The following UGT2B17 variants were observed in gnomAD, a reference collection of about 807,000 sequenced individuals.
The protein encoded by UGT2B17 is UDP-glucuronosyltransferase 2B17.
UGT2B17 carries 21 observed loss-of-function variants against 48.2 expected under a neutral mutation model. The ratio of observed to expected loss-of-function variants is 0.44; its 90% confidence interval spans 0.31 to 0.63. The LOEUF is 0.63. Among genes scored for constraint, UGT2B17 ranks in the 20% least tolerant of loss-of-function variants. The pLI, the probability that UGT2B17 is intolerant of heterozygous loss-of-function variation, is 0.08. For missense variants in UGT2B17, 402 were observed against 696.1 expected (o/e 0.58, Z 4.75); for synonymous variants, 146 against 238.4 (o/e 0.61, Z 3.57).
rs1203348815 is a variant in UGT2B17, at chr4:68,575,386, G to A, written c.-65+565C>T. 7.3e-5 allele frequency among the ~76,000 whole-genome samples: 9 copies of A among 123,624 alleles called. 3 individuals are homozygous for A. The highest frequency in any genetic ancestry group is 2.5e-4 in the African/African-American group (9 of 35,982). 81.1% of individuals were successfully genotyped at this position (123,624 alleles called of 152,430 possible). A position where few individuals can be genotyped will look rare whatever the true frequency, so the allele number is the denominator to read the frequency against. On this transcript the variant is annotated intron_variant, in intron 1 of 6. Coordinates refer to ENST00000317746, the MANE Select transcript of UGT2B17 (RefSeq NM_001077.4). ...CTTAGAAACTAAAAAGACCTATCTAGGCTTCCTTCTGATGGCTAACCTACC... is the reference window on the plus strand; with the variant it reads ...CTTAGAAACTAAAAAGACCTATCTAAGCTTCCTTCTGATGGCTAACCTACC...
intron 4 of UGT2B17, among the ~76,000 whole-genome samples, chr4:68,554,323 C>T (rs1435141383): frequency 7.9e-6 from 1 of 126,294 alleles, no homozygotes; most frequent in Non-Finnish European, 1.7e-5. Context: ...ATTTATGACA[C>T]CTCTACTTGG....
Position 68,537,603 on chromosome 4 carries a change from C to A in UGT2B17, c.*22G>T. On this transcript the variant is annotated 3_prime_UTR_variant, in exon 7 of 7. Coordinates refer to ENST00000317746, the MANE Select transcript of UGT2B17 (RefSeq NM_001077.4). ...GGAGGAGTCCCATCTTTTGGTCATTCCACTTCAGGCTTTTGATATAACTAA... is the reference window on the plus strand; with the variant it reads ...GGAGGAGTCCCATCTTTTGGTCATTACACTTCAGGCTTTTGATATAACTAA... The A allele has an allele frequency of 7.5e-7, 1 of 1,324,634 alleles. No homozygotes were observed. The highest frequency in any genetic ancestry group is 2.0e-5 in the South Asian group (1 of 49,716). The allele number at this position is 1,324,634 out of a possible 1,614,324, so 82.1% of individuals were successfully genotyped here. A position where few individuals can be genotyped will look rare whatever the true frequency, so the allele number is the denominator to read the frequency against.
Position 68,558,204 on chromosome 4 carries a change from G to T in UGT2B17, c.1005+2333C>A, listed in dbSNP as rs1731037540. On this transcript the variant is annotated intron_variant, in intron 4 of 6. Transcript: ENST00000317746. ...TAGTAAAATTGGGAAACTGAAGACA[G>T]AAAAATTATGTTTCAAAAATAACAG... Among the ~76,000 whole-genome samples, 2 of 123,634 alleles carry T rather than the reference G, an allele frequency of 1.6e-5. 1 individual carries two copies. The highest frequency in any genetic ancestry group is 3.4e-5 in the Non-Finnish European group (2 of 58,420). The allele number at this position is 123,634 out of a possible 152,430, so 81.1% of individuals were successfully genotyped here.
chr4:68,570,686 A>T (rs1731284735), intron 1 of UGT2B17, among the ~76,000 whole-genome samples: 1 of 126,264 alleles, frequency 7.9e-6, no homozygotes, highest in South Asian at 3.5e-4. Flanking sequence ...TGTTGAACTA[A>T]GGTAGCGATG....
chr4:68,558,379 A>G lies in UGT2B17; in HGVS notation c.1005+2158T>C, dbSNP rs200327647. On this transcript the variant is annotated intron_variant, in intron 4 of 6. Transcript: ENST00000317746. ...TCCTCCCCTTCCACAATTTTTCCTA[A>G]TTTGGAGTCACTGTAAACTAAGCTA... Among the ~76,000 whole-genome samples the G allele has an allele frequency of 7.0e-3, 821 of 117,374 alleles. 7 individuals carry two copies. Among genetic ancestry groups the G allele is most frequent in the African/African-American group, 0.018 (631 of 34,470 alleles). The allele number at this position is 117,374 out of a possible 152,430, so 77.0% of individuals were successfully genotyped here. A position where few individuals can be genotyped will look rare whatever the true frequency, so the allele number is the denominator to read the frequency against.
At position 68,545,130 on chromosome 4, in the gene UGT2B17, A is replaced by G. The variant is rs1295830551; in HGVS notation, c.1313+5547T>C. 5.5e-5 allele frequency among the ~76,000 whole-genome samples: 7 copies of G among 126,314 alleles called. 3 individuals are homozygous for G. The Admixed American group carries it at 5.7e-4, about 10-fold the overall frequency. 82.9% of individuals were successfully genotyped at this position (126,314 alleles called of 152,430 possible). On this transcript the variant is annotated intron_variant, in intron 6 of 6. Transcript: ENST00000317746. ...AATCAACAGAATGTACATTCTTTTC[A>G]GCACCACACCACACCAACTCCAAAA...
Position 68,563,123 on chromosome 4 carries a change from T to A in UGT2B17, c.873+2449A>T, listed in dbSNP as rs1248559306. 1.6e-5 allele frequency among the ~76,000 whole-genome samples: 2 copies of A among 127,364 alleles called. 1 individual carries two copies. The highest frequency in any genetic ancestry group is 3.3e-5 in the Non-Finnish European group (2 of 59,968). The allele number at this position is 127,364 out of a possible 152,430, so 83.6% of individuals were successfully genotyped here. The stretch of plus-strand genomic sequence containing the variant: ...ATATATTACAAAGGCAATAACTATA[T>A]GCAGTTTTCAAACACTTGATACTTT... On this transcript the variant is annotated intron_variant, in intron 3 of 6. Transcript: ENST00000317746.
chr4:68,574,853 C>G (rs1179302176), intron 1 of UGT2B17, among the ~76,000 whole-genome samples: 1 of 124,764 alleles, frequency 8.0e-6, no homozygotes, highest in African/African-American at 2.7e-5. Context: ...TGACTTATTA[C>G]AAACATTTTT....
chr4:68,565,535 A>G (rs1441108943), intron 3 of UGT2B17, 37 bp downstream of exon 3: 2 of 1,334,852 alleles, frequency 1.5e-6, no homozygotes, highest in African/African-American at 3.0e-5. Context: ...TCCTTCTGAA[A>G]ATGTCAAGCA....
At chr4:68,548,439 TG>T (rs1730859574) in intron 6 of UGT2B17, among the ~76,000 whole-genome samples, 1 of 121,806 alleles carries the variant, frequency 8.2e-6, no homozygotes, top group Non-Finnish European at 1.7e-5. Flanking sequence ...GTAGCGGGAG[TG>T]GGGAGGGATA....
intron 3 of UGT2B17, 151 bp downstream of exon 3, chr4:68,565,421 A>G: frequency 1.5e-6 from 1 of 672,444 alleles, no homozygotes; most frequent in Non-Finnish European, 2.1e-6. Context: ...CATACTTGTG[A>G]TAGTATAGAA....
intron 1 of UGT2B17, among the ~76,000 whole-genome samples, chr4:68,575,111 G>T (rs1361842323): frequency 8.2e-6 from 1 of 121,238 alleles, no homozygotes; most frequent in Non-Finnish European, 1.7e-5. Flanking sequence ...AACCTTGTAA[G>T]TTTGAAATTT....
At chr4:68,553,857 A>G (rs1218822003) in intron 4 of UGT2B17, among the ~76,000 whole-genome samples, 2 of 118,416 alleles carry the variant, frequency 1.7e-5, no homozygotes, top group Non-Finnish European at 3.5e-5. Context: ...TGGTTTACAT[A>G]GGAAAATGAA....
chr4:68,568,594 G>A lies in UGT2B17; in HGVS notation c.-64-46C>T. ...TTAAAATATAACTGCTAAAATTTGAGTTGACCTCATATTTATTTTAGTGTG... is the reference window on the plus strand; with the variant it reads ...TTAAAATATAACTGCTAAAATTTGAATTGACCTCATATTTATTTTAGTGTG... On this transcript the variant is annotated intron_variant, in intron 1 of 6. Transcript: ENST00000317746. 4 of 1,164,720 alleles carry A rather than the reference G, an allele frequency of 3.4e-6. 1 individual carries two copies. Among genetic ancestry groups the A allele is most frequent in the Non-Finnish European group, 4.3e-6 (4 of 925,364 alleles). 72.1% of individuals were successfully genotyped at this position (1,164,720 alleles called of 1,614,324 possible).
chr4:68,566,647 TC>T (rs1333793284), intron 2 of UGT2B17, among the ~76,000 whole-genome samples: 6 of 106,170 alleles, frequency 5.7e-5, no homozygotes, highest in Admixed American at 2.1e-4. Flanking sequence ...TCTTGAGGCA[TC>T]CCAGTCATGT....
Position 68,568,581 on chromosome 4 carries a change from T to C in UGT2B17, c.-64-33A>G. ...AAAATCAATCAAGTTAAAATATAAC[T>C]GCTAAAATTTGAGTTGACCTCATAT... On this transcript the variant is annotated intron_variant, in intron 1 of 6. Transcript: ENST00000317746. 26 of 1,207,420 alleles carry C rather than the reference T, an allele frequency of 2.2e-5. 7 individuals carry two copies. The highest frequency in any genetic ancestry group is 3.2e-5 in the African/African-American group (2 of 62,752). 74.8% of individuals were successfully genotyped at this position (1,207,420 alleles called of 1,614,324 possible). A position where few individuals can be genotyped will look rare whatever the true frequency, so the allele number is the denominator to read the frequency against.
In UGT2B17 at chr4:68,567,713, C is replaced by T. The variant is rs368229738; in HGVS notation, c.724+48G>A. 182 of 1,214,736 alleles carry T rather than the reference C, an allele frequency of 1.5e-4. 32 individuals are homozygous for T. Among genetic ancestry groups the T allele is most frequent in the Admixed American group, 4.2e-4 (14 of 33,454 alleles). The allele number at this position is 1,214,736 out of a possible 1,614,324, so 75.2% of individuals were successfully genotyped here. The stretch of plus-strand genomic sequence containing the variant: ...ATTTATATAAGCCCACCTTCAAAGG[C>T]ACAGGAAAATTAGAACTTAATAAAC... On this transcript the variant is annotated intron_variant, in intron 2 of 6. Transcript: ENST00000317746.
chr4:68,546,012 C>T (rs530054612), intron 6 of UGT2B17, among the ~76,000 whole-genome samples: 2 of 125,818 alleles, frequency 1.6e-5, no homozygotes, highest in African/African-American at 5.5e-5. Context: ...GGAGCTGGTA[C>T]CCTTCCTTCT....
At chr4:68,538,913 T>C (rs113753919) in intron 6 of UGT2B17, among the ~76,000 whole-genome samples, 1,607 of 125,806 alleles carry the variant, frequency 0.013, 321 homozygotes, top group African/African-American at 0.04. Flanking sequence ...TTGAGCATTC[T>C]TTCTTGCAAC....
Sources: gnomAD v4.1 joint callset for allele counts (sites outside exome capture counted in the v4.1 genomes callset) on GRCh38, gnomAD v4.1.1 for gene constraint, MANE v1.5 for transcripts, NCBI Gene and HGNC (gene_info 2026-07-23, HGNC 2026-07-21) for gene names.